MAP3K19: variants seen among roughly 807,000 people sequenced by gnomAD.
MAP3K19 encodes the protein mitogen-activated protein kinase kinase kinase 19.
MAP3K19 carries 91 observed loss-of-function variants against 114.4 expected under a neutral mutation model. The observed-to-expected ratio is 0.80, with a 90% CI of 0.67 to 0.95. MAP3K19 has a LOEUF of 0.95. Among genes scored for constraint, MAP3K19 ranks in the 40% least tolerant of loss-of-function variants. The pLI is 0.00. For synonymous variants in MAP3K19, 518 were observed against 530.5 expected, an observed-to-expected ratio of 0.98 and a Z score of 0.32; for missense variants, 1,471 against 1,573.2, an observed-to-expected ratio of 0.94 and a Z score of 1.10.
At chr2:135,022,407 GGA>G (rs1688042708) in intron 4 of MAP3K19, among the ~76,000 whole-genome samples, 2 of 152,110 alleles carry the variant, frequency 1.3e-5, no homozygotes, top group Non-Finnish European at 2.9e-5. Context: ...TGTTTCCTGA[GGA>G]TGACCCATCA....
Position 134,986,912 on chromosome 2 carries a change from T to G in MAP3K19, c.1960A>C (p.Asn654His). ...LKYSDMFKEI[N>H]STANGPGIYE... ...ATTCCAGGTCCATTAGCAGTTGAAT[T>G]GATTTCTTTGAACATATCACTATAC... The change falls in exon 10 of 13, where the codon AAT (asparagine) becomes CAT (histidine). Residue 654 changes from asparagine (N) to histidine (H), a missense_variant. Asn to His is a moderately conservative substitution (Grantham distance 68, BLOSUM62 1). Coordinates refer to ENST00000392915, the MANE Select transcript of MAP3K19 (RefSeq NM_025052.5). The G allele has an allele frequency of 6.2e-7, 1 of 1,614,116 alleles. No homozygotes were observed. Among genetic ancestry groups the G allele is most frequent in the Non-Finnish European group, 8.5e-7 (1 of 1,180,032 alleles).
At chr2:134,982,113 C>CTTT (rs35219224) in intron 11 of MAP3K19, among the ~76,000 whole-genome samples, 74 of 76,318 alleles carry the variant, frequency 9.7e-4, no homozygotes, top group African/African-American at 1.5e-3. Flanking sequence ...CTTTTTCTTT[C>CTTT]TTTTTTTTTT....
intron 11 of MAP3K19, among the ~76,000 whole-genome samples, chr2:134,982,525 A>G (rs1361034814): frequency 6.6e-6 from 1 of 151,174 alleles, no homozygotes; most frequent in Non-Finnish European, 1.5e-5. Context: ...TAATTTTTGT[A>G]TTTTTAGTAG....
intron 2 of MAP3K19, among the ~76,000 whole-genome samples, chr2:135,039,100 T>G (rs1221147637): frequency 1.3e-5 from 2 of 148,890 alleles, no homozygotes; most frequent in Non-Finnish European, 3.0e-5. Context: ...GGTACACAGG[T>G]GCTTGTTTCA....
At chr2:135,011,536 C>CAAA (rs61361416) in intron 5 of MAP3K19, among the ~76,000 whole-genome samples, 3,080 of 79,122 alleles carry the variant, frequency 0.039, 245 homozygotes, top group African/African-American at 0.12. Context: ...GACTCTGTCT[C>CAAA]AAAAAAAAAA....
intron 8 of MAP3K19, among the ~76,000 whole-genome samples, chr2:134,998,250 T>C (rs1311137828): frequency 6.6e-6 from 1 of 152,090 alleles, no homozygotes; most frequent in Non-Finnish European, 1.5e-5. Flanking sequence ...GCCAAAAGCA[T>C]CCACAGCGTG....
intron 3 of MAP3K19, among the ~76,000 whole-genome samples, chr2:135,026,695 A>G (rs1280947057): frequency 6.6e-6 from 1 of 152,248 alleles, no homozygotes; most frequent in Non-Finnish European, 1.5e-5. Context: ...AGCATTTGAC[A>G]TATAGTAATT....
intron 3 of MAP3K19, among the ~76,000 whole-genome samples, chr2:135,027,363 A>C (rs867084738): frequency 1.1e-4 from 17 of 151,116 alleles, no homozygotes; most frequent in Non-Finnish European, 4.4e-5. Flanking sequence ...GAAAGAAAGA[A>C]AGAGAGAGAG....
At chr2:134,985,724 A>C in intron 10 of MAP3K19, 76 bp downstream of exon 10, 1 of 1,259,132 alleles carries the variant, frequency 7.9e-7, no homozygotes, top group Admixed American at 2.4e-5. Context: ...TCCTCATTTG[A>C]AAATAAGGGG....
chr2:135,042,873 G>C (rs1170593360), intron 1 of MAP3K19, among the ~76,000 whole-genome samples: 1 of 152,120 alleles, frequency 6.6e-6, no homozygotes, highest in Non-Finnish European at 1.5e-5. Flanking sequence ...CCTGAGTTCG[G>C]GAGTTCAAGA....
chr2:135,025,241 T>G (rs919827951), intron 3 of MAP3K19, among the ~76,000 whole-genome samples: 2 of 152,046 alleles, frequency 1.3e-5, no homozygotes, highest in African/African-American at 4.8e-5. Context: ...AGCTCTTTTA[T>G]GATTCAAAAT....
At chr2:134,984,354 CACAT>C (rs1202469838) in intron 10 of MAP3K19, among the ~76,000 whole-genome samples, 1 of 152,114 alleles carries the variant, frequency 6.6e-6, no homozygotes, top group Non-Finnish European at 1.5e-5. Flanking sequence ...AATGTACACA[CACAT>C]AAACATAAAT....
At chr2:135,031,953 C>T (rs1196838595) in intron 2 of MAP3K19, among the ~76,000 whole-genome samples, 1 of 152,158 alleles carries the variant, frequency 6.6e-6, no homozygotes, top group African/African-American at 2.4e-5. Flanking sequence ...ACAGCCTTCT[C>T]TCCATTTCAA....
In MAP3K19 at chr2:135,032,250, G is replaced by A. The variant is rs573782816; in HGVS notation, c.-283-1750C>T. On this transcript the variant is annotated intron_variant, in intron 2 of 12. Transcript: ENST00000392915. Reference sequence around the variant, plus strand: ...CAGGCGCCTGTAATCCCAGCTATTCGGGAGGCTGAGGCAGGAGAATTGCTT... The same window carrying A: ...CAGGCGCCTGTAATCCCAGCTATTCAGGAGGCTGAGGCAGGAGAATTGCTT... Among the ~76,000 whole-genome samples, 38 of 151,806 alleles carry A rather than the reference G, an allele frequency of 2.5e-4. No homozygotes were observed. The East Asian group carries it at 6.4e-3, about 26-fold the overall frequency.
rs1281078008 is a variant in MAP3K19, at chr2:134,985,810, A to G, written c.3062T>C (p.Val1021Ala). 2.5e-6 allele frequency: 4 copies of G among 1,601,096 alleles called. No homozygotes were observed. Among genetic ancestry groups the G allele is most frequent in the African/African-American group, 1.3e-5 (1 of 74,322 alleles). The stretch of plus-strand genomic sequence containing the variant: ...TCTAATTATACCAACCTGTATTTTG[A>G]CTTTTGTTGTCTCTCTGCCCATTTC... ...PKEMGRETTK[V>A]KIQRHSSGLR... Residue 1021 changes from valine (V) to alanine (A), a missense_variant, in exon 10 of 13, where the codon GTC becomes GCC. Coordinates refer to ENST00000392915, the MANE Select transcript of MAP3K19 (RefSeq NM_025052.5).
intron 5 of MAP3K19, among the ~76,000 whole-genome samples, chr2:135,015,532 TCATTTAATATAGCC>T (rs1687525063): frequency 2.6e-5 from 4 of 152,346 alleles, no homozygotes; most frequent in African/African-American, 9.6e-5. Flanking sequence ...AAGAAATGCT[TCATTTAATATAGCC>T]CATTTAATTA....
At position 134,985,285 on chromosome 2, in the gene MAP3K19, A is replaced by T. The variant is rs554577032; in HGVS notation, c.3072+515T>A. Among the ~76,000 whole-genome samples, 12 of 152,380 alleles carry T rather than the reference A, an allele frequency of 7.9e-5. No homozygotes were observed. The South Asian group carries it at 2.3e-3, about 29-fold the overall frequency. On this transcript the variant is annotated intron_variant, in intron 10 of 12. Transcript: ENST00000392915. Reference sequence around the variant, plus strand: ...ACTGCCAGAAGCACAGTAGGCATCAATAATAATTTTGCATTAAAGTAGTGA... The same window carrying T: ...ACTGCCAGAAGCACAGTAGGCATCATTAATAATTTTGCATTAAAGTAGTGA...
chr2:135,001,589 A>G (rs1686449714), intron 6 of MAP3K19, among the ~76,000 whole-genome samples: 1 of 152,234 alleles, frequency 6.6e-6, no homozygotes, highest in Non-Finnish European at 1.5e-5. Context: ...CCTTGAGTGC[A>G]AACACCTAGC....
At position 135,024,628 on chromosome 2, in the gene MAP3K19, G is replaced by T. The variant is rs763490148; in HGVS notation, c.20C>A (p.Pro7Gln). Residue 7 changes from proline to glutamine, a missense_variant and splice_region_variant, in exon 4 of 13, where the codon CCA (proline) becomes CAA (glutamine). Coordinates refer to ENST00000392915, the MANE Select transcript of MAP3K19 (RefSeq NM_025052.5). ...GCATGTGGAGTGAAAGTATTTACCT[G>T]GTTTTGGCATAGAACTCATTAAAAT... is the stretch of plus-strand genomic sequence containing the variant. MSSMPK[P>Q]ERHAESLLDI... 1 of 1,613,414 alleles carries T rather than the reference G, an allele frequency of 6.2e-7. No homozygotes were observed.
Sources: gnomAD v4.1 joint callset for allele counts (sites outside exome capture counted in the v4.1 genomes callset) on GRCh38, gnomAD v4.1.1 for gene constraint, MANE v1.5 for transcripts, NCBI Gene and HGNC (gene_info 2026-07-23, HGNC 2026-07-21) for gene names.